Variants in ADCYAP1R1 observed in about 807,000 individuals in gnomAD.
ADCYAP1R1 encodes pituitary adenylate cyclase-activating polypeptide type I receptor.
In ADCYAP1R1, 44 loss-of-function variants were observed where a neutral mutation model predicts 67.6. The observed-to-expected ratio is 0.65, with a 90% CI of 0.51 to 0.84. The LOEUF (loss-of-function observed/expected upper bound fraction) is 0.84. Among genes scored for constraint, ADCYAP1R1 ranks in the 40% least tolerant of loss-of-function variants. The pLI is 0.00. For synonymous variants in ADCYAP1R1, 222 were observed against 219.6 expected (o/e 1.01, Z -0.10); for missense variants, 477 against 587.9 (o/e 0.81, Z 1.95).
In ADCYAP1R1 at chr7:31,065,420, C is replaced by T. The variant is rs371839296; in HGVS notation, c.157+484C>T. Among the ~76,000 whole-genome samples, 126 of 152,278 alleles carry T rather than the reference C, an allele frequency of 8.3e-4. 1 individual carries two copies. Among genetic ancestry groups the T allele is most frequent in the Admixed American group, 1.8e-3 (27 of 15,298 alleles). On this transcript the variant is annotated intron_variant, in intron 3 of 15. Coordinates refer to ENST00000304166, the MANE Select transcript of ADCYAP1R1 (RefSeq NM_001118.5). ...TTCAGTCTTGAAGACTTGGGTACAA[C>T]GCTTCTCCTGGGGCTGCCTTTGAGG...
At chr7:31,094,622 GAACCCTGAACATACTTTGCC>G (rs1407048266) in intron 13 of ADCYAP1R1, among the ~76,000 whole-genome samples, 9 of 152,016 alleles carry the variant, frequency 5.9e-5, no homozygotes, top group Non-Finnish European at 7.4e-5. Flanking sequence ...ATACCCTACT[GAACCCTGAACATACTTTGCC>G]AACTCAGACA....
In ADCYAP1R1 at chr7:31,064,884, G is replaced by C. The variant is rs1427347388; in HGVS notation, c.105G>C (p.Leu35=). The change falls in exon 3 of 16, where the codon CTG becomes CTC. Residue 35 remains leucine (L), a synonymous_variant. Transcript: ENST00000304166. ...CIFKKEQAMC[L]EKIQRANELM... is the part of the protein sequence containing the mutation. ...TCAAGAAGGAGCAAGCCATGTGCCT[G>C]GAGAAGATCCAGAGGGCCAATGAGC... The C allele has an allele frequency of 2.5e-6, 4 of 1,612,742 alleles. No homozygotes were observed. The highest frequency in any genetic ancestry group is 3.4e-6 in the Non-Finnish European group (4 of 1,179,480).
At chr7:31,063,695 C>T (rs1238998284) in intron 2 of ADCYAP1R1, among the ~76,000 whole-genome samples, 1 of 152,138 alleles carries the variant, frequency 6.6e-6, no homozygotes, top group East Asian at 1.9e-4. Context: ...CTGCTCAGGT[C>T]TCTCCCTGAG....
At chr7:31,099,834 G>T (rs1296815494) in intron 13 of ADCYAP1R1, among the ~76,000 whole-genome samples, 1 of 152,138 alleles carries the variant, frequency 6.6e-6, no homozygotes, top group African/African-American at 2.4e-5. Flanking sequence ...CCTAGCCCAG[G>T]CCACCTTCTG....
At chr7:31,096,181 C>G (rs1032276217) in intron 13 of ADCYAP1R1, among the ~76,000 whole-genome samples, 7 of 152,228 alleles carry the variant, frequency 4.6e-5, no homozygotes, top group African/African-American at 1.7e-4. Flanking sequence ...TTGAAGTGAG[C>G]CGGCTTCATT....
At chr7:31,077,299 G>A (rs931304746) in intron 3 of ADCYAP1R1, among the ~76,000 whole-genome samples, 3 of 151,870 alleles carry the variant, frequency 2.0e-5, no homozygotes, top group Non-Finnish European at 4.4e-5. Flanking sequence ...ACATTCATGT[G>A]TGATGTGTGT....
At chr7:31,082,903 C>A (rs1394790676) in intron 6 of ADCYAP1R1, among the ~76,000 whole-genome samples, 1 of 152,238 alleles carries the variant, frequency 6.6e-6, no homozygotes, top group Non-Finnish European at 1.5e-5. Context: ...GAGAACTGGC[C>A]TTAGATCTTC....
intron 12 of ADCYAP1R1, among the ~76,000 whole-genome samples, chr7:31,091,770 C>G (rs769755426): frequency 1.3e-5 from 2 of 151,960 alleles, no homozygotes; most frequent in African/African-American, 2.4e-5. Flanking sequence ...CATGAAACAG[C>G]CTTTGTCATT....
intron 4 of ADCYAP1R1, among the ~76,000 whole-genome samples, chr7:31,080,348 G>C (rs1795463727): frequency 6.6e-6 from 1 of 152,186 alleles, no homozygotes; most frequent in Non-Finnish European, 1.5e-5. Flanking sequence ...CTGTGGCTGT[G>C]TAGGATATTG....
intron 13 of ADCYAP1R1, among the ~76,000 whole-genome samples, chr7:31,097,663 A>T (rs1299532149): frequency 3.3e-5 from 5 of 150,606 alleles, no homozygotes; most frequent in Non-Finnish European, 5.9e-5. Flanking sequence ...CCTTAAAAAA[A>T]ATCAGAGGAG....
chr7:31,084,789 C>G lies in ADCYAP1R1; in HGVS notation c.491C>G (p.Ser164Cys). 3.7e-6 allele frequency: 6 copies of G among 1,614,100 alleles called. No individual in the cohort carries two copies. Among genetic ancestry groups the G allele is most frequent in the Non-Finnish European group, 4.2e-6 (5 of 1,179,978 alleles). ...CTCTACACGGTTGGCTACAGCACAT[C>G]CCTCGTCACCCTCACCACTGCCATG... is the stretch of plus-strand genomic sequence containing the variant. ...KALYTVGYST[S>C]LVTLTTAMVI... The change falls in exon 8 of 16, where the codon TCC becomes TGC. Residue 164 changes from serine to cysteine, a missense_variant. Ser to Cys is a moderately radical substitution (Grantham distance 112). Transcript: ENST00000304166.
At chr7:31,058,810 T>C (rs772651445) in intron 1 of ADCYAP1R1, among the ~76,000 whole-genome samples, 1 of 152,102 alleles carries the variant, frequency 6.6e-6, no homozygotes, top group Non-Finnish European at 1.5e-5. Context: ...AGTGGAAGCA[T>C]AGGGATGGAG....
At chr7:31,076,593 T>TG (rs1166754595) in intron 3 of ADCYAP1R1, among the ~76,000 whole-genome samples, 1 of 152,166 alleles carries the variant, frequency 6.6e-6, no homozygotes, top group South Asian at 2.1e-4. Flanking sequence ...GGAGATGCTG[T>TG]GGGGGGCCTC....
At chr7:31,073,181 C>T (rs1795061501) in intron 3 of ADCYAP1R1, among the ~76,000 whole-genome samples, 1 of 152,164 alleles carries the variant, frequency 6.6e-6, no homozygotes, top group African/African-American at 2.4e-5. Flanking sequence ...CATCCAGTGT[C>T]ATCTCTAAAC....
intron 3 of ADCYAP1R1, among the ~76,000 whole-genome samples, chr7:31,069,911 G>C (rs1311715508): frequency 1.3e-5 from 2 of 152,138 alleles, no homozygotes; most frequent in Non-Finnish European, 2.9e-5. Flanking sequence ...AGAGGAGGGG[G>C]TTTGGAGACA....
intron 14 of ADCYAP1R1, among the ~76,000 whole-genome samples, chr7:31,104,444 C>T (rs1162223071): frequency 1.3e-5 from 2 of 152,138 alleles, no homozygotes; most frequent in African/African-American, 4.8e-5. Flanking sequence ...CCAAGGAGGG[C>T]AGATTGGGGA....
chr7:31,063,111 C>A, intron 1 of ADCYAP1R1, 83 bp from the exon 2 acceptor site: 1 of 772,700 alleles, frequency 1.3e-6, no homozygotes, highest in Non-Finnish European at 2.2e-6. Flanking sequence ...CTGCAGGGAG[C>A]TGGGGGAATA....
chr7:31,097,412 C>A (rs927712522), intron 13 of ADCYAP1R1, among the ~76,000 whole-genome samples: 1 of 152,212 alleles, frequency 6.6e-6, no homozygotes, highest in Non-Finnish European at 1.5e-5. Context: ...GTGTCTCTGG[C>A]TTTCCTGCAC....
chr7:31,055,027 C>CAGCTGCGACGT (rs571250120), intron 1 of ADCYAP1R1, among the ~76,000 whole-genome samples: 247 of 152,316 alleles, frequency 1.6e-3, no homozygotes, highest in Middle Eastern at 0.014. Flanking sequence ...GGAAACTCCT[C>CAGCTGCGACGT]AGCTGCGACG....
Sources: allele counts gnomAD v4.1 joint callset (sites outside exome capture counted in the v4.1 genomes callset), GRCh38; gene constraint gnomAD v4.1.1; transcripts MANE v1.5; gene names NCBI Gene and HGNC (gene_info 2026-07-23, HGNC 2026-07-21).